Variants in FAT1 observed in about 807,000 individuals in gnomAD.
The protein encoded by FAT1 is FAT atypical cadherin 1, also known as protocadherin Fat 1.
FAT1 carries 171 observed loss-of-function variants against 329.8 expected under a neutral mutation model. The observed-to-expected ratio is 0.52, with a 90% confidence interval of 0.46 to 0.59. The LOEUF is 0.59. Ranked by LOEUF, FAT1 falls within the 20% of genes least tolerant of loss-of-function variation. The pLI is 0.00. For synonymous variants in FAT1, 2,233 were observed against 2,228.6 expected (o/e 1.00, Z -0.06); for missense variants, 5,672 against 5,774.4 (o/e 0.98, Z 0.57).
intron 3 of FAT1, among the ~76,000 whole-genome samples, chr4:186,640,697 G>C (rs1437040414): frequency 6.6e-6 from 1 of 152,132 alleles, no homozygotes; most frequent in Non-Finnish European, 1.5e-5. Flanking sequence ...GAATATCTAT[G>C]AGTTTTGACC....
At chr4:186,594,417 T>C (rs1738397840) in intron 26 of FAT1, among the ~76,000 whole-genome samples, 1 of 151,784 alleles carries the variant, frequency 6.6e-6, no homozygotes, top group Admixed American at 6.6e-5. Flanking sequence ...AGAAAGAAAA[T>C]GCTGATAAAA....
At chr4:186,658,608 T>C (rs960414939) in intron 3 of FAT1, among the ~76,000 whole-genome samples, 1 of 152,252 alleles carries the variant, frequency 6.6e-6, no homozygotes, top group Non-Finnish European at 1.5e-5. Context: ...TTAACCCTTA[T>C]TCTGGCATTC....
Position 186,707,024 on chromosome 4 carries a change from T to C in FAT1, c.2804A>G (p.Lys935Arg), listed in dbSNP as rs761427562. 3 of 1,613,984 alleles carry C rather than the reference T, an allele frequency of 1.9e-6. No homozygotes were observed. The highest frequency in any genetic ancestry group is 1.7e-6 in the Non-Finnish European group (2 of 1,179,890). Residue 935 changes from lysine (K) to arginine (R), a missense_variant, in exon 2 of 27, where the codon AAA becomes AGA. Lys to Arg is a conservative substitution (Grantham distance 26). This residue lies in a region of FAT1 where 3,966 missense variants were observed against 3,915.2 expected (regional missense o/e 1.01). Transcript: ENST00000441802. ...PTFIPPNYRV[K>R]VREDLPEGTV... ...TCCTTCTGGAAGATCCTCTCGGACT[T>C]TCACACGATAATTAGGTGGAATAAA...
intron 3 of FAT1, among the ~76,000 whole-genome samples, chr4:186,641,595 A>G (rs10007356): frequency 6.6e-6 from 1 of 152,124 alleles, no homozygotes; most frequent in Admixed American, 6.5e-5. Context: ...AGAGCACTTA[A>G]TCACTCACCA....
At position 186,609,781 on chromosome 4, in the gene FAT1, A is replaced by T. The variant is rs2126458625; in HGVS notation, c.10068+20T>A. 6.4e-7 allele frequency: 1 copy of T among 1,552,798 alleles called. No homozygotes were observed. Among genetic ancestry groups the T allele is most frequent in the Non-Finnish European group, 8.9e-7 (1 of 1,124,304 alleles). The stretch of plus-strand genomic sequence containing the variant: ...CCAGAAGATACACAGTTTTCACTGT[A>T]ATGGGGAAAAAATACACACCGTGAT... On this transcript the variant is annotated intron_variant, in intron 15 of 26. Transcript: ENST00000441802.
intron 7 of FAT1, among the ~76,000 whole-genome samples, chr4:186,632,736 C>T (rs1740653446): frequency 6.6e-6 from 1 of 152,192 alleles, no homozygotes; most frequent in Admixed American, 6.5e-5. Flanking sequence ...TAATTTTTAT[C>T]TTTTAATGCA....
intron 2 of FAT1, among the ~76,000 whole-genome samples, chr4:186,684,377 G>A (rs886152039): frequency 1.3e-5 from 2 of 152,188 alleles, no homozygotes; most frequent in African/African-American, 4.8e-5. Flanking sequence ...TGCTTTAGAA[G>A]GGCCAGGACA....
rs757127331 is a variant in FAT1 at position 186,614,331 on chromosome 4, T to A, written c.9089A>T (p.Asp3030Val). 6.4e-7 allele frequency: 1 copy of A among 1,560,748 alleles called. No individual in the cohort carries two copies. Among genetic ancestry groups the A allele is most frequent in the East Asian group, 2.4e-5 (1 of 41,882 alleles). Reference protein sequence around the residue: ...SPVCEKTLYSDTIPEDVLPGK... With the variant: ...SPVCEKTLYSVTIPEDVLPGK... ...AGGAAGGACGTCTTCAGGAATAGTGTCTGAATATAAAGTCTGCAAAGAGTT... is the reference window on the plus strand; with the variant it reads ...AGGAAGGACGTCTTCAGGAATAGTGACTGAATATAAAGTCTGCAAAGAGTT... Residue 3030 changes from aspartate to valine, a missense_variant, in exon 12 of 27, where the codon GAC becomes GTC. Around this residue, in one of 2 missense-constraint regions of FAT1, gnomAD observed 3,966 missense variants for 3,915.2 expected, o/e 1.01. Transcript: ENST00000441802.
chr4:186,688,990 AG>A (rs1421644227), intron 2 of FAT1, among the ~76,000 whole-genome samples: 3 of 152,250 alleles, frequency 2.0e-5, no homozygotes, highest in Admixed American at 2.0e-4. Flanking sequence ...AAGAATAAAC[AG>A]GCCATTGAAA....
intron 2 of FAT1, among the ~76,000 whole-genome samples, chr4:186,697,335 C>T (rs988057438): frequency 2.0e-5 from 3 of 152,180 alleles, no homozygotes; most frequent in East Asian, 1.9e-4. Flanking sequence ...CACGCGAAAG[C>T]GCAGCGTCTG....
At chr4:186,617,402 C>G (rs997378219) in intron 10 of FAT1, among the ~76,000 whole-genome samples, 1 of 152,096 alleles carries the variant, frequency 6.6e-6, no homozygotes, top group African/African-American at 2.4e-5. Context: ...AGCATTAAGA[C>G]TACTAATCAT....
chr4:186,711,839 G>A (rs1225569883), intron 1 of FAT1, among the ~76,000 whole-genome samples: 2 of 152,162 alleles, frequency 1.3e-5, no homozygotes, highest in African/African-American at 4.8e-5. Context: ...AGAATCACTT[G>A]AACCCGGGAG....
intron 16 of FAT1, 79 bp from the exon 17 acceptor site, chr4:186,606,292 T>A (rs1739132527): frequency 6.6e-7 from 1 of 1,525,008 alleles, no homozygotes; most frequent in African/African-American, 1.4e-5. Flanking sequence ...CTCCTGAGAG[T>A]CCTGACGGGC....
intron 2 of FAT1, among the ~76,000 whole-genome samples, chr4:186,698,285 G>A (rs1314635173): frequency 2.0e-5 from 3 of 152,126 alleles, no homozygotes; most frequent in Non-Finnish European, 2.9e-5. Context: ...AAGTGCCCCC[G>A]CAGCGAAGAG....
At chr4:186,700,488 T>C (rs983085536) in intron 2 of FAT1, among the ~76,000 whole-genome samples, 5 of 152,160 alleles carry the variant, frequency 3.3e-5, no homozygotes, top group Admixed American at 6.5e-5. Context: ...GATAGCAATA[T>C]GTCATTCAGA....
intron 3 of FAT1, among the ~76,000 whole-genome samples, chr4:186,644,350 T>C (rs945063717): frequency 6.6e-6 from 1 of 152,208 alleles, no homozygotes; most frequent in African/African-American, 2.4e-5. Flanking sequence ...TTTTTGTAAC[T>C]TTGTGTTTCA....
intron 2 of FAT1, among the ~76,000 whole-genome samples, chr4:186,694,887 A>G (rs996800735): frequency 2.0e-5 from 3 of 152,186 alleles, no homozygotes; most frequent in African/African-American, 4.8e-5. Flanking sequence ...GCTTGAACCC[A>G]GGAGGCAGAG....
intron 3 of FAT1, among the ~76,000 whole-genome samples, chr4:186,661,338 T>C (rs571780989): frequency 1.5e-4 from 23 of 152,212 alleles, no homozygotes; most frequent in South Asian, 4.1e-4. Flanking sequence ...TCCCGCTCCA[T>C]ATCCTGGAGG....
intron 3 of FAT1, among the ~76,000 whole-genome samples, chr4:186,656,477 C>T (rs545741775): frequency 1.3e-5 from 2 of 152,324 alleles, no homozygotes; most frequent in South Asian, 2.1e-4. Context: ...ACTATTTGCA[C>T]GTTGTGCCAT....
Sources: gnomAD v4.1 joint callset for allele counts (sites outside exome capture counted in the v4.1 genomes callset) on GRCh38, gnomAD v4.1.1 for gene constraint, gnomAD v4.1.1 regional missense constraint, MANE v1.5 for transcripts, NCBI Gene and HGNC (gene_info 2026-07-23, HGNC 2026-07-21) for gene names.